The following BACH2 variants were observed in gnomAD, a reference collection of about 807,000 sequenced individuals.
BACH2 encodes BACH transcriptional regulator 2.
In BACH2, 5 loss-of-function variants were observed where a neutral mutation model predicts 61.8. The observed-to-expected ratio is 0.08, with a 90% confidence interval of 0.04 to 0.17. The LOEUF (loss-of-function observed/expected upper bound fraction) is 0.17, where lower values mean the gene tolerates loss of function less well. Among genes scored for constraint, BACH2 ranks in the 10% least tolerant of loss-of-function variants. The probability of loss-of-function intolerance (pLI) is 1.00; values close to 1 mark genes in which losing one functional copy is unlikely to be tolerated. For synonymous variants in BACH2, 446 were observed against 440.1 expected, an observed-to-expected ratio of 1.01 and a Z score of -0.17; for missense variants, 824 against 1,091.1, an observed-to-expected ratio of 0.76 and a Z score of 3.45.
intron 6 of BACH2, among the ~76,000 whole-genome samples, chr6:90,007,026 G>A (rs958146305): frequency 4.6e-5 from 7 of 151,824 alleles, no homozygotes; most frequent in East Asian, 3.9e-4. Context: ...CCCATATCTT[G>A]TTTGTCTATC....
chr6:90,211,103 G>A (rs950800082), intron 3 of BACH2, among the ~76,000 whole-genome samples: 2 of 136,252 alleles, frequency 1.5e-5, no homozygotes, highest in Non-Finnish European at 3.1e-5. Flanking sequence ...CTGTAGCCTG[G>A]GTGACAGAGG....
At chr6:90,014,024 T>C (rs1198356188) in intron 5 of BACH2, among the ~76,000 whole-genome samples, 3 of 152,078 alleles carry the variant, frequency 2.0e-5, no homozygotes, top group African/African-American at 7.2e-5. Flanking sequence ...CCTCAAGCAA[T>C]CCTCGTACCT....
At chr6:90,175,611 T>C (rs1330710158) in intron 4 of BACH2, among the ~76,000 whole-genome samples, 1 of 152,078 alleles carries the variant, frequency 6.6e-6, no homozygotes, top group Non-Finnish European at 1.5e-5. Context: ...GGTTGGGAAA[T>C]CAGATCTCAG....
At position 90,168,713 on chromosome 6, in the gene BACH2, GA is replaced by G. The variant is rs565516877; in HGVS notation, c.-162+37855del. ...TTTATGTCAGAATGATTTAGCAGCT[GA>G]AAAAAAAACACACATAAATGAAAAC... is the stretch of plus-strand genomic sequence containing the variant. On this transcript the variant is annotated intron_variant, in intron 4 of 8. Transcript: ENST00000257749. Among the ~76,000 whole-genome samples, 598 of 149,110 alleles carry G rather than the reference GA, an allele frequency of 4.0e-3. 2 individuals carry two copies. The highest frequency in any genetic ancestry group is 6.9e-3 in the Non-Finnish European group (466 of 67,130).
intron 1 of BACH2, among the ~76,000 whole-genome samples, chr6:90,274,626 C>A (rs1458789245): frequency 6.6e-6 from 1 of 152,340 alleles, no homozygotes; most frequent in African/African-American, 2.4e-5. Context: ...CCCCCACACA[C>A]TTTCCAGCTG....
At chr6:89,989,056 T>C (rs916390772) in intron 6 of BACH2, among the ~76,000 whole-genome samples, 5 of 152,178 alleles carry the variant, frequency 3.3e-5, no homozygotes, top group Admixed American at 3.3e-4. Context: ...TCTCTTGACC[T>C]CTCATGGCCC....
At chr6:90,034,038 C>T (rs565022190) in intron 5 of BACH2, among the ~76,000 whole-genome samples, 13 of 152,160 alleles carry the variant, frequency 8.5e-5, no homozygotes, top group Non-Finnish European at 1.9e-4. Context: ...TTAGACCACA[C>T]TGTGTCTATA....
In BACH2 at chr6:89,950,943, A is replaced by C; in HGVS notation, c.1163T>G (p.Phe388Cys). The change falls in exon 7 of 9, where the codon TTC becomes TGC. Residue 388 changes from phenylalanine to cysteine, a missense_variant. Physicochemically the swap from Phe to Cys is radical, Grantham distance 205. Coordinates refer to ENST00000257749, the MANE Select transcript of BACH2 (RefSeq NM_021813.4). The surrounding 1 kb of genome is among the most constrained non-coding windows in gnomAD (Gnocchi z 5.3). ...GTGGGGCTGTCCATAATTCCCTGTGAAAGGGGTGTAGTCAGTTTTAAGGTC... is the reference window on the plus strand; with the variant it reads ...GTGGGGCTGTCCATAATTCCCTGTGCAAGGGGTGTAGTCAGTTTTAAGGTC... ...QGDLKTDYTP[F>C]TGNYGQPHVG... The C allele has an allele frequency of 6.4e-7, 1 of 1,573,502 alleles. No homozygotes were observed. The highest frequency in any genetic ancestry group is 2.2e-5 in the East Asian group (1 of 44,562).
chr6:90,232,918 G>T (rs1473303212), intron 3 of BACH2, among the ~76,000 whole-genome samples: 1 of 152,054 alleles, frequency 6.6e-6, no homozygotes, highest in Non-Finnish European at 1.5e-5. Flanking sequence ...GAGTATCTCT[G>T]AGGCCAAATT....
intron 5 of BACH2, among the ~76,000 whole-genome samples, chr6:90,070,762 T>G (rs889777700): frequency 3.3e-5 from 5 of 152,222 alleles, no homozygotes; most frequent in African/African-American, 9.6e-5. Flanking sequence ...AATCTCTTTC[T>G]CTATAATTTC....
chr6:90,171,481 T>C (rs1044871152), intron 4 of BACH2, among the ~76,000 whole-genome samples: 6 of 151,004 alleles, frequency 4.0e-5, no homozygotes, highest in East Asian at 1.9e-4. Flanking sequence ...CATATCCATG[T>C]GCCCTTTCCA....
chr6:90,148,724 T>C (rs1784706639), intron 4 of BACH2, among the ~76,000 whole-genome samples: 1 of 152,168 alleles, frequency 6.6e-6, no homozygotes, highest in South Asian at 2.1e-4. Flanking sequence ...ACACCTACAG[T>C]CAGGACTGTA....
chr6:90,291,574 A>G (rs1772178712), intron 1 of BACH2, among the ~76,000 whole-genome samples: 1 of 151,522 alleles, frequency 6.6e-6, no homozygotes, highest in East Asian at 1.9e-4. Context: ...AAAAAAAGCA[A>G]CTACTGTCTT....
intron 7 of BACH2, among the ~76,000 whole-genome samples, chr6:89,941,905 G>A (rs1006192545): frequency 3.7e-4 from 57 of 152,266 alleles, no homozygotes; most frequent in Non-Finnish European, 8.8e-5. Context: ...AAACACTAGG[G>A]GAATAGGAGG....
At chr6:90,276,304 T>A (rs1394762512) in intron 1 of BACH2, among the ~76,000 whole-genome samples, 1 of 152,236 alleles carries the variant, frequency 6.6e-6, no homozygotes, top group Non-Finnish European at 1.5e-5. Context: ...ATTTCCCATG[T>A]AACATGCCTA....
intron 6 of BACH2, among the ~76,000 whole-genome samples, chr6:89,978,274 G>A (rs1775763502): frequency 6.6e-6 from 1 of 152,060 alleles, no homozygotes; most frequent in African/African-American, 2.4e-5. Context: ...CTCTGCGTCT[G>A]GAAAACTGAT....
intron 5 of BACH2, among the ~76,000 whole-genome samples, chr6:90,030,392 T>C (rs553155840): frequency 1.3e-5 from 2 of 152,106 alleles, no homozygotes; most frequent in South Asian, 4.2e-4. Flanking sequence ...AGGTTTCTGA[T>C]TTTCGAATGA....
At chr6:90,223,858 G>C (rs1233453598) in intron 3 of BACH2, among the ~76,000 whole-genome samples, 1 of 152,136 alleles carries the variant, frequency 6.6e-6, no homozygotes, top group Admixed American at 6.5e-5. Flanking sequence ...AGAGAATCCT[G>C]ATACTCCTAA....
intron 4 of BACH2, among the ~76,000 whole-genome samples, chr6:90,121,144 T>C (rs1256015011): frequency 6.6e-6 from 1 of 152,160 alleles, no homozygotes; most frequent in Non-Finnish European, 1.5e-5. Flanking sequence ...AAAGATTACA[T>C]GAAGTTCCAA....
Sources: allele counts gnomAD v4.1 joint callset (sites outside exome capture counted in the v4.1 genomes callset), GRCh38; gene constraint gnomAD v4.1.1; non-coding constraint Gnocchi (gnomAD v3.1); transcripts MANE v1.5; gene names NCBI Gene and HGNC (gene_info 2026-07-23, HGNC 2026-07-21).